FAXC: variants seen among roughly 807,000 people sequenced by gnomAD.
The protein encoded by FAXC is failed axon connections homolog, metaxin like GST domain containing.
Under a neutral mutation model 41.9 loss-of-function variants are expected in FAXC, and 10 were observed. The observed-to-expected ratio is 0.24, with a 90% CI of 0.15 to 0.41. The LOEUF is 0.41. Ranked by LOEUF, FAXC falls within the 10% of genes least tolerant of loss-of-function variation. The probability of loss-of-function intolerance (pLI) is 1.00; values close to 1 mark genes in which losing one functional copy is unlikely to be tolerated. For missense variants in FAXC, 399 were observed against 510.9 expected (o/e 0.78, Z 2.11); for synonymous variants, 183 against 183.8 (o/e 1.00, Z 0.03).
intron 4 of FAXC, among the ~76,000 whole-genome samples, chr6:99,305,729 A>G (rs1771894071): frequency 6.7e-6 from 1 of 149,686 alleles, no homozygotes; most frequent in Admixed American, 6.7e-5. Context: ...TATATATTAT[A>G]TATAGTTTTG....
chr6:99,337,016 C>T (rs1252163841), intron 2 of FAXC, among the ~76,000 whole-genome samples: 2 of 152,208 alleles, frequency 1.3e-5, no homozygotes, highest in African/African-American at 4.8e-5. Flanking sequence ...AAAATCCACG[C>T]ACCCACTATC....
intron 2 of FAXC, among the ~76,000 whole-genome samples, chr6:99,336,090 A>C (rs1773206810): frequency 6.6e-6 from 1 of 152,120 alleles, no homozygotes; most frequent in Admixed American, 6.5e-5. Context: ...AATAAAAAAA[A>C]ATTTTACAGA....
chr6:99,305,929 C>T (rs1004292886), intron 4 of FAXC, among the ~76,000 whole-genome samples: 3 of 151,868 alleles, frequency 2.0e-5, no homozygotes, highest in Non-Finnish European at 2.9e-5. Context: ...ACTGCTCTCA[C>T]GGAGTTTACA....
At position 99,343,028 on chromosome 6, in the gene FAXC, T is replaced by C; in HGVS notation, c.272A>G (p.Gln91Arg). The change falls in exon 2 of 6, where the codon CAG becomes CGG. Residue 91 changes from glutamine (Q) to arginine (R), a missense_variant. Gln to Arg is a conservative substitution (Grantham distance 43). Around this residue, in one of 3 missense-constraint regions of FAXC, gnomAD observed 239 missense variants for 352.7 expected, o/e 0.68. Transcript: ENST00000389677. ...LLHELLVIRK[Q>R]QEIDSKDAII... is the part of the protein sequence containing the mutation. ...AGCATCTTTAGAGTCAATCTCTTGC[T>C]GTTTCCTGTCAAAACCAAAACAGAA... 6.3e-7 allele frequency: 1 copy of C among 1,599,826 alleles called. No individual in the cohort carries two copies. The highest frequency in any genetic ancestry group is 8.5e-7 in the Non-Finnish European group (1 of 1,176,152).
At chr6:99,327,304 T>C (rs989667623) in intron 3 of FAXC, among the ~76,000 whole-genome samples, 1 of 152,164 alleles carries the variant, frequency 6.6e-6, no homozygotes. Flanking sequence ...AGATATCACA[T>C]TGTATATGTT....
chr6:99,317,137 T>G (rs1320160736), intron 4 of FAXC, among the ~76,000 whole-genome samples: 8 of 151,772 alleles, frequency 5.3e-5, no homozygotes, highest in Admixed American at 5.3e-4. Flanking sequence ...AAAAGTATAT[T>G]ACATTTTTTA....
chr6:99,330,307 A>C (rs1199360964), intron 3 of FAXC, among the ~76,000 whole-genome samples: 1 of 152,186 alleles, frequency 6.6e-6, no homozygotes, highest in Non-Finnish European at 1.5e-5. Context: ...AGTGTGTGTC[A>C]CCCAAAATCA....
rs529735751 is a variant in FAXC at position 99,346,692 on chromosome 6, G to A, written c.266+2415C>T. Among the ~76,000 whole-genome samples the A allele has an allele frequency of 3.3e-5, 5 of 152,156 alleles. No individual in the cohort carries two copies. The East Asian group carries it at 5.8e-4, about 18-fold the overall frequency. On this transcript the variant is annotated intron_variant, in intron 1 of 5. Transcript: ENST00000389677. ...TGGGATTACAGGCGTAAGCTGCCGC[G>A]CGCCGGGCCAAAGTAGGTACTTTCT...
At position 99,349,368 on chromosome 6, in the gene FAXC, T is replaced by C. The variant is rs751376857; in HGVS notation, c.5A>G (p.His2Arg). ...GGACGAAGCAAAGCCAACCCCCCAG[T>C]GCATGCTGCGCGGCTGGCTCCGGGC... The part of the protein sequence containing the change: M[H>R]WGVGFASSRP... The change falls in exon 1 of 6, where the codon CAC (histidine) becomes CGC (arginine). Residue 2 changes from histidine to arginine, a missense_variant. Transcript: ENST00000389677. 6.2e-7 allele frequency: 1 copy of C among 1,609,324 alleles called. No homozygotes were observed. Among genetic ancestry groups the C allele is most frequent in the Non-Finnish European group, 8.5e-7 (1 of 1,178,306 alleles).
intron 4 of FAXC, among the ~76,000 whole-genome samples, chr6:99,322,559 G>A (rs1772631581): frequency 6.6e-6 from 1 of 152,150 alleles, no homozygotes; most frequent in Admixed American, 6.5e-5. Flanking sequence ...CCCACCTTCT[G>A]CAGAAAAAAC....
chr6:99,338,561 C>T, intron 2 of FAXC, among the ~76,000 whole-genome samples: 1 of 152,164 alleles, frequency 6.6e-6, no homozygotes, highest in East Asian at 1.9e-4. Flanking sequence ...TCAGAGACAG[C>T]ACTGCACAAA....
chr6:99,289,776 C>T (rs2128449102), intron 5 of FAXC, among the ~76,000 whole-genome samples: 1 of 151,266 alleles, frequency 6.6e-6, no homozygotes, highest in East Asian at 2.0e-4. Flanking sequence ...AAACATCATA[C>T]ATTAGTTTAG....
chr6:99,302,034 G>A (rs1280093529), intron 4 of FAXC, among the ~76,000 whole-genome samples: 1 of 152,214 alleles, frequency 6.6e-6, no homozygotes, highest in African/African-American at 2.4e-5. Flanking sequence ...CCTCTGCTGG[G>A]TGCCTCTGCT....
rs1365547272 is a variant in FAXC, at chr6:99,274,940, T to TC, written c.*6223dup. ...AGACAGTAAATATTCAGAGCATTCC[T>TC]CTTTTTTAGCCCTCAATGAACAATT... On this transcript the variant is annotated 3_prime_UTR_variant, in exon 6 of 6. Coordinates refer to ENST00000389677, the MANE Select transcript of FAXC (RefSeq NM_032511.4). 1 of 152,204 alleles carries TC rather than the reference T, an allele frequency of 6.6e-6. No individual in the cohort carries two copies. The highest frequency in any genetic ancestry group is 2.4e-5 in the African/African-American group (1 of 41,454). 9.4% of individuals were successfully genotyped at this position (152,204 alleles called of 1,614,324 possible). A position where few individuals can be genotyped will look rare whatever the true frequency, so the allele number is the denominator to read the frequency against.
At chr6:99,293,284 C>A (rs1024193142) in intron 4 of FAXC, among the ~76,000 whole-genome samples, 2 of 152,220 alleles carry the variant, frequency 1.3e-5, no homozygotes, top group African/African-American at 4.8e-5. Context: ...CTGGGGACCA[C>A]CCCCATTCCC....
intron 4 of FAXC, among the ~76,000 whole-genome samples, chr6:99,300,907 T>C (rs1486897643): frequency 6.6e-6 from 1 of 152,218 alleles, no homozygotes; most frequent in Non-Finnish European, 1.5e-5. Flanking sequence ...GAAAGCTGAA[T>C]AGCAGCAGAT....
chr6:99,311,590 A>C (rs537293866), intron 4 of FAXC, among the ~76,000 whole-genome samples: 52 of 152,242 alleles, frequency 3.4e-4, no homozygotes, highest in South Asian at 1.5e-3. Flanking sequence ...TAAATAAATA[A>C]ATACATACAT....
chr6:99,284,787 G>A (rs1030213021), intron 5 of FAXC, among the ~76,000 whole-genome samples: 10 of 151,924 alleles, frequency 6.6e-5, no homozygotes, highest in Admixed American at 3.3e-4. Context: ...GGTAGCAGGC[G>A]CCTGTGGTCC....
chr6:99,334,644 TC>T, intron 2 of FAXC: 1 of 967,530 alleles, frequency 1.0e-6, no homozygotes, highest in African/African-American at 1.8e-5. Context: ...CTTGATGCCA[TC>T]CATATCCTCT....
Sources: gnomAD v4.1 joint callset for allele counts (sites outside exome capture counted in the v4.1 genomes callset) on GRCh38, gnomAD v4.1.1 for gene constraint, gnomAD v4.1.1 regional missense constraint, MANE v1.5 for transcripts, NCBI Gene and HGNC (gene_info 2026-07-23, HGNC 2026-07-21) for gene names.